Variants in ITGA9 observed in about 807,000 individuals in gnomAD.
The protein encoded by ITGA9 is integrin subunit alpha 9.
ITGA9 carries 56 observed loss-of-function variants against 127.8 expected under a neutral mutation model. The observed-to-expected ratio is 0.44, with a 90% CI of 0.35 to 0.55. The LOEUF is 0.55. Ranked by LOEUF, ITGA9 falls within the 20% of genes least tolerant of loss-of-function variation. ITGA9 has a pLI of 0.00. For missense variants in ITGA9, 1,196 were observed against 1,347.1 expected, an observed-to-expected ratio of 0.89 and a Z score of 1.76; for synonymous variants, 508 against 514.5, an observed-to-expected ratio of 0.99 and a Z score of 0.17.
At chr3:37,573,477 TCAAC>T (rs1699622068) in intron 15 of ITGA9, among the ~76,000 whole-genome samples, 1 of 152,172 alleles carries the variant, frequency 6.6e-6, no homozygotes, top group African/African-American at 2.4e-5. Context: ...CAGGGGTGAT[TCAAC>T]CACAGGAGCT....
At chr3:37,758,864 G>T (rs1696688028) in intron 23 of ITGA9, among the ~76,000 whole-genome samples, 1 of 152,006 alleles carries the variant, frequency 6.6e-6, no homozygotes, top group African/African-American at 2.4e-5. Flanking sequence ...AGCTGAAGCT[G>T]ACTGTAAACT....
At chr3:37,469,541 A>G (rs1019829097) in intron 1 of ITGA9, among the ~76,000 whole-genome samples, 1 of 152,176 alleles carries the variant, frequency 6.6e-6, no homozygotes, top group Non-Finnish European at 1.5e-5. Flanking sequence ...TTGAATGACA[A>G]CATTATCCGC....
intron 16 of ITGA9, among the ~76,000 whole-genome samples, chr3:37,641,061 C>T (rs150524485): frequency 6.8e-4 from 104 of 152,232 alleles, no homozygotes; most frequent in African/African-American, 2.4e-3. Flanking sequence ...AGGGGGGTCC[C>T]GTCTCTGCAG....
At chr3:37,669,497 G>T (rs1344149246) in intron 17 of ITGA9, among the ~76,000 whole-genome samples, 1 of 152,224 alleles carries the variant, frequency 6.6e-6, no homozygotes, top group African/African-American at 2.4e-5. Flanking sequence ...TCCAGGGAAG[G>T]GAGCCTATCC....
chr3:37,741,014 G>A (rs908398477), intron 20 of ITGA9, among the ~76,000 whole-genome samples: 1 of 152,142 alleles, frequency 6.6e-6, no homozygotes, highest in Non-Finnish European at 1.5e-5. Flanking sequence ...GTCCTTTCAG[G>A]TGAGACATAG....
intron 1 of ITGA9, among the ~76,000 whole-genome samples, chr3:37,464,456 C>G (rs1698349821): frequency 6.6e-6 from 1 of 152,110 alleles, no homozygotes; most frequent in Admixed American, 6.5e-5. Context: ...TACTTTGTAG[C>G]AGGCACTATG....
At chr3:37,652,537 A>G (rs1700439601) in intron 16 of ITGA9, among the ~76,000 whole-genome samples, 1 of 152,130 alleles carries the variant, frequency 6.6e-6, no homozygotes, top group Non-Finnish European at 1.5e-5. Flanking sequence ...GCAGGGGAAT[A>G]TGAATTTTCA....
intron 15 of ITGA9, among the ~76,000 whole-genome samples, chr3:37,627,869 C>T (rs951876832): frequency 6.6e-6 from 1 of 152,210 alleles, no homozygotes; most frequent in Non-Finnish European, 1.5e-5. Context: ...GCATGAGATG[C>T]CACCATGTGC....
At chr3:37,758,794 TA>T (rs895904101) in intron 23 of ITGA9, among the ~76,000 whole-genome samples, 3 of 152,010 alleles carry the variant, frequency 2.0e-5, no homozygotes, top group African/African-American at 4.8e-5. Context: ...ATTGTCTCCC[TA>T]AAAAAATCCA....
Position 37,506,103 on chromosome 3 carries a change from T to G in ITGA9, c.828+18T>G. 6.4e-7 allele frequency: 1 copy of G among 1,558,412 alleles called. No individual in the cohort carries two copies. Among genetic ancestry groups the G allele is most frequent in the Non-Finnish European group, 8.8e-7 (1 of 1,136,214 alleles). On this transcript the variant is annotated intron_variant, in intron 7 of 27. Transcript: ENST00000264741. The stretch of plus-strand genomic sequence containing the variant: ...TCGGCAAGGTGAGGAGAAACATCTG[T>G]GGAATAGCTGGGGTCAGACAGAAGA...
chr3:37,556,904 GC>G, intron 15 of ITGA9, among the ~76,000 whole-genome samples: 2 of 152,268 alleles, frequency 1.3e-5, no homozygotes, highest in South Asian at 4.2e-4. Flanking sequence ...AGTGCAGCTC[GC>G]CAGCCCACGC....
chr3:37,742,493 C>G (rs1228889471), intron 21 of ITGA9, among the ~76,000 whole-genome samples: 1 of 152,168 alleles, frequency 6.6e-6, no homozygotes, highest in Non-Finnish European at 1.5e-5. Flanking sequence ...CAGTTTTCAA[C>G]CAAAGCCCCA....
intron 1 of ITGA9, among the ~76,000 whole-genome samples, chr3:37,460,715 G>A (rs972456892): frequency 1.3e-5 from 2 of 150,196 alleles, no homozygotes; most frequent in African/African-American, 2.5e-5. Flanking sequence ...TCAGCCTCCC[G>A]AGTAGCTGGG....
chr3:37,733,730 G>A (rs372671458), intron 19 of ITGA9, among the ~76,000 whole-genome samples: 1 of 152,028 alleles, frequency 6.6e-6, no homozygotes, highest in Admixed American at 6.5e-5. Context: ...AATGCACCTC[G>A]ATCTTGGACT....
At chr3:37,661,226 T>C (rs941697544) in intron 17 of ITGA9, among the ~76,000 whole-genome samples, 2 of 152,240 alleles carry the variant, frequency 1.3e-5, no homozygotes, top group African/African-American at 4.8e-5. Context: ...TTTATTGCAA[T>C]GCCGTCTCTC....
intron 17 of ITGA9, among the ~76,000 whole-genome samples, chr3:37,668,881 G>A (rs1462005710): frequency 2.0e-5 from 3 of 152,226 alleles, no homozygotes; most frequent in Admixed American, 6.5e-5. Flanking sequence ...TGAGACCTGG[G>A]TTTAACATGA....
At position 37,523,765 on chromosome 3, in the gene ITGA9, G is replaced by A. The variant is rs570351743; in HGVS notation, c.1327+154G>A. Among the ~76,000 whole-genome samples the A allele has an allele frequency of 1.3e-4, 20 of 152,248 alleles. 1 individual carries two copies. The highest frequency in any genetic ancestry group is 1.2e-3 in the Admixed American group (18 of 15,298). ...TGTTTTGCCTGGTGTTCAATTTTAAGGTGAAAATAATGTTGATATTTATTT... is the reference window on the plus strand; with the variant it reads ...TGTTTTGCCTGGTGTTCAATTTTAAAGTGAAAATAATGTTGATATTTATTT... On this transcript the variant is annotated intron_variant, in intron 12 of 27. Coordinates refer to ENST00000264741, the MANE Select transcript of ITGA9 (RefSeq NM_002207.3).
intron 15 of ITGA9, among the ~76,000 whole-genome samples, chr3:37,625,740 A>G (rs61049697): frequency 1.2e-3 from 183 of 152,248 alleles, no homozygotes; most frequent in African/African-American, 4.4e-3. Flanking sequence ...CAAAAATGAA[A>G]AGGAAACCGC....
At chr3:37,669,794 C>T (rs1452434521) in intron 17 of ITGA9, among the ~76,000 whole-genome samples, 2 of 152,170 alleles carry the variant, frequency 1.3e-5, no homozygotes, top group Non-Finnish European at 2.9e-5. Flanking sequence ...AGAGATTGCT[C>T]TGGACACCTC....
Sources: gnomAD v4.1 joint callset for allele counts (sites outside exome capture counted in the v4.1 genomes callset) on GRCh38, gnomAD v4.1.1 for gene constraint, MANE v1.5 for transcripts, NCBI Gene and HGNC (gene_info 2026-07-23, HGNC 2026-07-21) for gene names.